Variants in SLC39A5 observed in about 807,000 individuals in gnomAD.
SLC39A5 encodes the protein zinc transporter ZIP5.
A neutral mutation model predicts 46.9 loss-of-function variants in SLC39A5; 42 were observed. The observed-to-expected ratio is 0.90, with a 90% CI of 0.70 to 1.16. SLC39A5 has a LOEUF of 1.16. Among genes scored for constraint, SLC39A5 ranks in the 50% most tolerant of loss-of-function variants. SLC39A5 has a pLI of 0.00. For missense variants in SLC39A5, 677 were observed against 686.8 expected (o/e 0.99, Z 0.16); for synonymous variants, 311 against 323.1 (o/e 0.96, Z 0.40).
At chr12:56,232,906 A>G (rs371989291) in intron 5 of SLC39A5, 34 bp downstream of exon 5, 14 of 1,552,074 alleles carry the variant, frequency 9.0e-6, no homozygotes, top group African/African-American at 2.8e-5. Flanking sequence ...GGAAGGAGCC[A>G]TGGGATTAGA....
At position 56,236,697 on chromosome 12, in the gene SLC39A5, G is replaced by C. The variant is rs755041528; in HGVS notation, c.1158G>C (p.Met386Ile). ...AGGGTGGCACTGATATCACGTGGAT[G>C]GTCCTCCTGGGAGATGGTCTACACA... Reference protein sequence around the residue: ...GHQGGTDITWMVLLGDGLHNL... With the variant: ...GHQGGTDITWIVLLGDGLHNL... The change falls in exon 10 of 13, where the codon ATG (methionine) becomes ATC (isoleucine). Residue 386 changes from methionine to isoleucine, a missense_variant. Physicochemically the swap from Met to Ile is conservative, Grantham distance 10. Transcript: ENST00000454355. 3.1e-6 allele frequency: 5 copies of C among 1,612,308 alleles called. No individual in the cohort carries two copies. The highest frequency in any genetic ancestry group is 1.7e-5 in the Admixed American group (1 of 59,890).
Position 56,232,756 on chromosome 12 carries a change from G to C in SLC39A5, c.355G>C (p.Asp119His). 1.2e-6 allele frequency: 2 copies of C among 1,612,606 alleles called. No homozygotes were observed. The highest frequency in any genetic ancestry group is 1.7e-6 in the Non-Finnish European group (2 of 1,179,460). The change falls in exon 5 of 13, where the codon GAC becomes CAC. Residue 119 changes from aspartate to histidine, a missense_variant. Asp to His is a moderately conservative substitution (Grantham distance 81). Transcript: ENST00000454355. The part of the protein sequence containing the change: ...GMPLGPSGWG[D>H]LEESKAPHLP... ...GCCTCTGGGTCCCTCAGGGTGGGGT[G>C]ACCTGGAAGAGTCAAAGGCCCCTCA...
chr12:56,231,662 G>A, intron 4 of SLC39A5, 101 bp downstream of exon 4: 1 of 1,309,232 alleles, frequency 7.6e-7, no homozygotes, highest in South Asian at 1.6e-5. Context: ...GATCCCTGGA[G>A]TTACAAATTC....
chr12:56,231,601 C>T, intron 4 of SLC39A5, 40 bp downstream of exon 4: 1 of 1,499,766 alleles, frequency 6.7e-7, no homozygotes, highest in South Asian at 1.4e-5. Flanking sequence ...CCACATCTCC[C>T]AGGTCCTCTC....
Position 56,237,728 on chromosome 12 carries a change from C to A in SLC39A5, c.1620C>A (p.Gly540=). 6.5e-7 allele frequency: 1 copy of A among 1,549,550 alleles called. No individual in the cohort carries two copies. Among genetic ancestry groups the A allele is most frequent in the South Asian group, 1.2e-5 (1 of 80,984 alleles). The change falls in exon 13 of 13, where the codon GGC becomes GGA. Residue 540 remains glycine, a synonymous_variant. Coordinates refer to ENST00000454355, the MANE Select transcript of SLC39A5 (RefSeq NM_173596.3). The part of the protein sequence containing the change: ...EERLLPVTTE[G] ...GGCTACTGCCCGTGACCACTGAGGG[C>A]TGATGGGGCCAGTGGAAAGGGGTCG...
rs183658944 is a variant in SLC39A5, at chr12:56,236,907, A to T, written c.1208-24A>T. The T allele has an allele frequency of 2.4e-3, 3,886 of 1,613,600 alleles. 4 individuals carry two copies. The highest frequency in any genetic ancestry group is 5.1e-3 in the Admixed American group (305 of 59,978). On this transcript the variant is annotated intron_variant, in intron 10 of 12. Coordinates refer to ENST00000454355, the MANE Select transcript of SLC39A5 (RefSeq NM_173596.3). ...GAGGAGACTTTTCTTCTGGACTGAC[A>T]ACTTCCGACCCTGCTGGCCCCAGGT...
chr12:56,233,264 CAAAAAAAAAAAAAAAAA>C (rs71081337), intron 5 of SLC39A5, among the ~76,000 whole-genome samples: 35 of 31,034 alleles, frequency 1.1e-3, no homozygotes, highest in South Asian at 0.011. Context: ...GACTCTGTCT[CAAAAAAAAAAAAAAAAA>C]AAAAAAAAAA....
rs200932335 is a variant in SLC39A5, at chr12:56,237,145, A to C, written c.1289-5A>C. ...CCCTCCCATCCTGTCCTCTGTCTCC[A>C]ATAGGTGACTTTGCCATGCTGCTCC... On this transcript the variant is annotated splice_region_variant and splice_polypyrimidine_tract_variant and intron_variant, in intron 11 of 12. Coordinates refer to ENST00000454355, the MANE Select transcript of SLC39A5 (RefSeq NM_173596.3). 4.3e-6 allele frequency: 7 copies of C among 1,613,740 alleles called. No homozygotes were observed. Among genetic ancestry groups the C allele is most frequent in the African/African-American group, 2.7e-5 (2 of 75,026 alleles).
Position 56,237,732 on chromosome 12 carries a change from T to TG in SLC39A5, c.*5dup. 6.5e-7 allele frequency: 1 copy of TG among 1,536,562 alleles called. No homozygotes were observed. The highest frequency in any genetic ancestry group is 1.3e-5 in the South Asian group (1 of 79,100). ...ACTGCCCGTGACCACTGAGGGCTGATGGGGCCAGTGGAAAGGGGTCGGGTT... is the reference window on the plus strand; with the variant it reads ...ACTGCCCGTGACCACTGAGGGCTGATGGGGGCCAGTGGAAAGGGGTCGGGTT... On this transcript the variant is annotated 3_prime_UTR_variant, in exon 13 of 13. Transcript: ENST00000454355.
rs1482402499 is a variant in SLC39A5 at position 56,231,305 on chromosome 12, G to A, written c.31G>A (p.Ala11Thr). The A allele has an allele frequency of 1.9e-6, 3 of 1,611,064 alleles. No homozygotes were observed. The highest frequency in any genetic ancestry group is 2.2e-5 in the East Asian group (1 of 44,838). Residue 11 changes from alanine to threonine, a missense_variant, in exon 4 of 13, where the codon GCC (alanine) becomes ACC (threonine). Transcript: ENST00000454355. ...GGGGTCCCCAGTGAGTCATCTGCTG[G>A]CCGGCTTCTGTGTGTGGGTCGTCTT... The part of the protein sequence containing the change: MMGSPVSHLL[A>T]GFCVWVVLGW...
rs201439833 is a variant in SLC39A5, at chr12:56,235,127, G to C, written c.635-30G>C. The C allele has an allele frequency of 2.4e-5, 37 of 1,545,942 alleles. No individual in the cohort carries two copies. The South Asian group carries it at 4.3e-4, about 18-fold the overall frequency. On this transcript the variant is annotated intron_variant, in intron 6 of 12. Transcript: ENST00000454355. ...ACGTGTGGGACCCTCCTCTTGCCCT[G>C]ACCTAACTTCAGCCCCTGATTCTCC...
Position 56,236,474 on chromosome 12 carries a change from C to T in SLC39A5, c.1024C>T (p.Pro342Ser), listed in dbSNP as rs1169461062. 3 of 1,614,250 alleles carry T rather than the reference C, an allele frequency of 1.9e-6. No individual in the cohort carries two copies. Among genetic ancestry groups the T allele is most frequent in the Admixed American group, 3.3e-5 (2 of 60,026 alleles). Residue 342 changes from proline to serine, a missense_variant, in exon 9 of 13, where the codon CCC (proline) becomes TCC (serine). Physicochemically the swap from Pro to Ser is moderately conservative, Grantham distance 74. Transcript: ENST00000454355. The stretch of plus-strand genomic sequence containing the variant: ...GAATGGCAGTGGGATGGCCCTTCAG[C>T]CCCTACAGGCAGCTCCAGGTGACTA... Reference protein sequence around the residue: ...PENGSGMALQPLQAAPEPGAQ... With the variant: ...PENGSGMALQSLQAAPEPGAQ...
chr12:56,232,498 T>C (rs1216070130), intron 4 of SLC39A5, among the ~76,000 whole-genome samples, 191 bp from the exon 5 acceptor site: 1 of 152,138 alleles, frequency 6.6e-6, no homozygotes, highest in Non-Finnish European at 1.5e-5. Context: ...GTCCTTTTTT[T>C]TCTGTCCCCC....
intron 8 of SLC39A5, 80 bp from the exon 9 acceptor site, chr12:56,236,316 T>C (rs1870756072): frequency 2.3e-6 from 3 of 1,329,656 alleles, no homozygotes; most frequent in Middle Eastern, 1.8e-4. Flanking sequence ...GGTGTTCATC[T>C]TCCCAGCTTG....
chr12:56,236,712 T>C lies in SLC39A5; in HGVS notation c.1173T>C (p.Asp391=), dbSNP rs148427519. 8.1e-6 allele frequency: 13 copies of C among 1,610,148 alleles called. No homozygotes were observed. In the Admixed American group the frequency reaches 1.7e-4, roughly 21 times the overall value. Residue 391 remains aspartate, a synonymous_variant, in exon 10 of 13, where the codon GAT becomes GAC. Transcript: ENST00000454355. The stretch of plus-strand genomic sequence containing the variant: ...TCACGTGGATGGTCCTCCTGGGAGA[T>C]GGTCTACACAACCTCACTGATGGGC... ...TDITWMVLLG[D]GLHNLTDGLA...
rs1012049446 is a variant in SLC39A5 at position 56,235,242 on chromosome 12, T to C, written c.720T>C (p.Arg240=). 3.8e-6 allele frequency: 6 copies of C among 1,585,328 alleles called. No homozygotes were observed. In the Admixed American group the frequency reaches 7.3e-5, roughly 19 times the overall value. ...SLLLLRLLGP[R]LLRPLLGFLG... ...TGCTGCTGCGGCTCCTGGGACCTCG[T>C]CTACTACGGCCCTTGCTGGGCTTCC... The change falls in exon 7 of 13, where the codon CGT becomes CGC. Residue 240 remains arginine, a synonymous_variant. Transcript: ENST00000454355.
chr12:56,231,672 C>A (rs1015349161), intron 4 of SLC39A5, 111 bp downstream of exon 4: 2 of 1,197,338 alleles, frequency 1.7e-6, no homozygotes, highest in African/African-American at 1.5e-5. Context: ...GTTACAAATT[C>A]TTCAGAACCG....
chr12:56,236,828 G>C (rs567889202), intron 10 of SLC39A5, 82 bp downstream of exon 10: 1 of 1,582,696 alleles, frequency 6.3e-7, no homozygotes, highest in Non-Finnish European at 8.6e-7. Context: ...GGAGAGGGCC[G>C]TCAGGAAGAT....
Position 56,232,852 on chromosome 12 carries a change from G to T in SLC39A5, c.451G>T (p.Ala151Ser). The change falls in exon 5 of 13, where the codon GCT (alanine) becomes TCT (serine). Residue 151 changes from alanine (A) to serine (S), a missense_variant. By Grantham distance (99) the Ala-to-Ser change is moderately conservative (BLOSUM62 1). Transcript: ENST00000454355. ...HRLLLLDHSL[A>S]DHLNEDCLNG... ...GCTTCTGTTGCTGGACCACTCATTG[G>T]CTGACCACCTGAATGAGGATGTGAG... 3.7e-6 allele frequency: 6 copies of T among 1,611,662 alleles called. No homozygotes were observed. The highest frequency in any genetic ancestry group is 4.2e-6 in the Non-Finnish European group (5 of 1,178,992).
Sources: allele counts gnomAD v4.1 joint callset (sites outside exome capture counted in the v4.1 genomes callset), GRCh38; gene constraint gnomAD v4.1.1; transcripts MANE v1.5; gene names NCBI Gene and HGNC (gene_info 2026-07-23, HGNC 2026-07-21).